KIF16B: variants seen among roughly 807,000 people sequenced by gnomAD.
KIF16B encodes kinesin family member 16B, also known as kinesin-like protein KIF16B.
In KIF16B, 98 loss-of-function variants were observed where a neutral mutation model predicts 156.3. The ratio of observed to expected loss-of-function variants is 0.63; its 90% CI spans 0.53 to 0.74. The LOEUF (loss-of-function observed/expected upper bound fraction) is 0.74. Among genes scored for constraint, KIF16B ranks in the 30% least tolerant of loss-of-function variants. KIF16B has a pLI of 0.00. For missense variants in KIF16B, 1,421 were observed against 1,606.5 expected (o/e 0.88, Z 1.97); for synonymous variants, 564 against 583.7 (o/e 0.97, Z 0.49).
At chr20:16,355,846 C>A (rs1209392372) in intron 23 of KIF16B, among the ~76,000 whole-genome samples, 2 of 152,212 alleles carry the variant, frequency 1.3e-5, no homozygotes, top group Non-Finnish European at 2.9e-5. Context: ...GTAATAGCAG[C>A]AATAGCTACA....
At chr20:16,297,231 A>AT (rs2063401210) in intron 25 of KIF16B, among the ~76,000 whole-genome samples, 2 of 152,178 alleles carry the variant, frequency 1.3e-5, no homozygotes, top group South Asian at 2.1e-4. Flanking sequence ...GTCTCTCCCC[A>AT]TCATTGCTTA....
rs1347997412 is a variant in KIF16B at position 16,535,886 on chromosome 20, C to A, written c.48-7446G>T. Among the ~76,000 whole-genome samples, 3 of 152,300 alleles carry A rather than the reference C, an allele frequency of 2.0e-5. No individual in the cohort carries two copies. The East Asian group carries it at 5.8e-4, about 29-fold the overall frequency. On this transcript the variant is annotated intron_variant, in intron 1 of 25. Coordinates refer to ENST00000354981, the MANE Select transcript of KIF16B (RefSeq NM_024704.5). ...GCTAAGAAAAGAGAACTCTTATACA[C>A]TGTTGGTGGGAATCTAAATTAGTGC...
chr20:16,551,202 GC>G (rs2070647846), intron 1 of KIF16B, among the ~76,000 whole-genome samples: 1 of 149,566 alleles, frequency 6.7e-6, no homozygotes, highest in Admixed American at 6.7e-5. Context: ...CACGATCTCA[GC>G]TCACTGCAAC....
intron 1 of KIF16B, among the ~76,000 whole-genome samples, chr20:16,568,913 ATGATCTG>A (rs1045876628): frequency 6.8e-6 from 1 of 147,198 alleles, no homozygotes. Context: ...ACTATGTGCT[ATGATCTG>A]AATGTTTGTC....
In KIF16B at chr20:16,273,130, G is replaced by A; in HGVS notation, c.*123C>T. 1 of 815,900 alleles carries A rather than the reference G, an allele frequency of 1.2e-6. No individual in the cohort carries two copies. The highest frequency in any genetic ancestry group is 2.0e-6 in the Non-Finnish European group (1 of 491,368). The allele number at this position is 815,900 out of a possible 1,614,324, so 50.5% of individuals were successfully genotyped here. A position where few individuals can be genotyped will look rare whatever the true frequency, so the allele number is the denominator to read the frequency against. ...AAACGTGAGGTGGCCCGGGCCCGCT[G>A]CTGCATGTCTGTCTTCAGCAGGAGG... On this transcript the variant is annotated 3_prime_UTR_variant, in exon 26 of 26. Transcript: ENST00000354981.
rs912899150 is a variant in KIF16B, at chr20:16,504,445, G to A, written c.1103C>T (p.Ala368Val). 6.2e-7 allele frequency: 1 copy of A among 1,614,058 alleles called. No individual in the cohort carries two copies. The highest frequency in any genetic ancestry group is 8.5e-7 in the Non-Finnish European group (1 of 1,179,964). Residue 368 changes from alanine (A) to valine (V), a missense_variant, in exon 10 of 26, where the codon GCC becomes GTC. Ala to Val is a moderately conservative substitution (Grantham distance 64). Transcript: ENST00000354981. ...IINKPTINED[A>V]NVKLIRELRA... ...CAGCTCACGGATAAGTTTGACGTTG[G>A]CATCCTCATTAATGGTAGGCTTGTT...
At position 16,559,048 on chromosome 20, in the gene KIF16B, G is replaced by A. The variant is rs188346093; in HGVS notation, c.47+14181C>T. On this transcript the variant is annotated intron_variant, in intron 1 of 25. Coordinates refer to ENST00000354981, the MANE Select transcript of KIF16B (RefSeq NM_024704.5). ...CTCCTCTCTGCTCACGGTTTCTAAT[G>A]TGGAATTATTCCAGGTCTGCCTGGT... 2.1e-3 allele frequency among the ~76,000 whole-genome samples: 321 copies of A among 151,732 alleles called. 1 individual carries two copies. The highest frequency in any genetic ancestry group is 3.3e-3 in the Admixed American group (50 of 15,218).
At chr20:16,442,591 G>A (rs114843982) in intron 12 of KIF16B, among the ~76,000 whole-genome samples, 2,444 of 151,910 alleles carry the variant, frequency 0.016, 57 homozygotes, top group African/African-American at 0.056. Flanking sequence ...TAATTACACA[G>A]AAAATAAAAT....
At chr20:16,546,312 G>A (rs2070403792) in intron 1 of KIF16B, among the ~76,000 whole-genome samples, 1 of 152,184 alleles carries the variant, frequency 6.6e-6, no homozygotes, top group Non-Finnish European at 1.5e-5. Context: ...GCTGAAAGAT[G>A]TGATAGAAGA....
At chr20:16,311,755 T>C (rs995719743) in intron 25 of KIF16B, among the ~76,000 whole-genome samples, 2 of 151,952 alleles carry the variant, frequency 1.3e-5, no homozygotes, top group African/African-American at 4.8e-5. Context: ...AGCAACTATA[T>C]CCCAAAAAAG....
At chr20:16,382,602 A>G (rs1475538925) in intron 17 of KIF16B, among the ~76,000 whole-genome samples, 2 of 152,242 alleles carry the variant, frequency 1.3e-5, no homozygotes, top group Non-Finnish European at 2.9e-5. Flanking sequence ...AACTCACTAA[A>G]ATAATAACAC....
chr20:16,390,219 C>T (rs897296456), intron 17 of KIF16B, among the ~76,000 whole-genome samples: 2 of 152,142 alleles, frequency 1.3e-5, no homozygotes, highest in African/African-American at 4.8e-5. Context: ...TCCAAGGAGC[C>T]AGTCTTAAGC....
At chr20:16,412,084 A>C (rs1246552884) in intron 15 of KIF16B, among the ~76,000 whole-genome samples, 1 of 152,000 alleles carries the variant, frequency 6.6e-6, no homozygotes, top group East Asian at 1.9e-4. Flanking sequence ...GCTGACTTCT[A>C]ATGGCCAAGT....
chr20:16,274,378 C>G (rs1439768056), intron 25 of KIF16B, among the ~76,000 whole-genome samples: 1 of 152,150 alleles, frequency 6.6e-6, no homozygotes, highest in Non-Finnish European at 1.5e-5. Context: ...ATATGTGAGA[C>G]TAGGCTCTGG....
chr20:16,507,099 CAA>C (rs1555790010), intron 7 of KIF16B, among the ~76,000 whole-genome samples: 11 of 124,660 alleles, frequency 8.8e-5, no homozygotes, highest in Admixed American at 1.6e-4. Flanking sequence ...AATCATGTCT[CAA>C]AAAAAAAAAA....
chr20:16,555,978 T>C (rs1320351112), intron 1 of KIF16B, among the ~76,000 whole-genome samples: 1 of 152,168 alleles, frequency 6.6e-6, no homozygotes, highest in East Asian at 1.9e-4. Flanking sequence ...ATAGGCTATG[T>C]TACCCTGGAA....
At chr20:16,427,834 T>A (rs1270315505) in intron 14 of KIF16B, among the ~76,000 whole-genome samples, 1 of 152,154 alleles carries the variant, frequency 6.6e-6, no homozygotes, top group Non-Finnish European at 1.5e-5. Flanking sequence ...AAAGTTTATC[T>A]ATTCATGTAT....
At chr20:16,288,249 T>C (rs1012553783) in intron 25 of KIF16B, among the ~76,000 whole-genome samples, 3 of 152,224 alleles carry the variant, frequency 2.0e-5, no homozygotes, top group Non-Finnish European at 4.4e-5. Flanking sequence ...GTAAGCCCCT[T>C]AACTCCTCTG....
chr20:16,539,461 T>G (rs1054645236), intron 1 of KIF16B, among the ~76,000 whole-genome samples: 3 of 152,162 alleles, frequency 2.0e-5, no homozygotes, highest in Non-Finnish European at 4.4e-5. Context: ...AGTTTAAACT[T>G]GAGCGTGATG....
Sources: allele counts gnomAD v4.1 joint callset (sites outside exome capture counted in the v4.1 genomes callset), GRCh38; gene constraint gnomAD v4.1.1; transcripts MANE v1.5; gene names NCBI Gene and HGNC (gene_info 2026-07-23, HGNC 2026-07-21).